LRFN5: variants seen among roughly 807,000 people sequenced by gnomAD.
The protein encoded by LRFN5 is leucine-rich repeat and fibronectin type-III domain-containing protein 5.
In LRFN5, 24 loss-of-function variants were observed where a neutral mutation model predicts 45.6. The ratio of observed to expected loss-of-function variants is 0.53; its 90% CI spans 0.38 to 0.74. The LOEUF (loss-of-function observed/expected upper bound fraction) is 0.74. Ranked by LOEUF, LRFN5 falls within the 30% of genes least tolerant of loss-of-function variation. The probability of loss-of-function intolerance (pLI) is 0.00; values close to 1 mark genes in which losing one functional copy is unlikely to be tolerated. For synonymous variants in LRFN5, 340 were observed against 313.8 expected, an observed-to-expected ratio of 1.08 and a Z score of -0.88; for missense variants, 776 against 861.5, an observed-to-expected ratio of 0.90 and a Z score of 1.24.
At chr14:41,765,341 CA>C (rs1293519567) in intron 1 of LRFN5, among the ~76,000 whole-genome samples, 7 of 73,970 alleles carry the variant, frequency 9.5e-5, no homozygotes, top group Non-Finnish European at 1.6e-4. Flanking sequence ...GACTCCGTCT[CA>C]AAAAAAAAGG....
intron 1 of LRFN5, among the ~76,000 whole-genome samples, chr14:41,614,363 AG>A (rs2138543831): frequency 6.6e-6 from 1 of 152,212 alleles, no homozygotes; most frequent in Admixed American, 6.5e-5. Context: ...TTAAGTGAAA[AG>A]TTTAAGGTTA....
intron 2 of LRFN5, among the ~76,000 whole-genome samples, chr14:41,772,229 T>C (rs547853156): frequency 6.6e-6 from 1 of 152,274 alleles, no homozygotes; most frequent in African/African-American, 2.4e-5. Flanking sequence ...TCCACCCTCA[T>C]GATCCAAACA....
At chr14:41,843,514 C>T (rs560928818) in intron 2 of LRFN5, among the ~76,000 whole-genome samples, 4 of 152,184 alleles carry the variant, frequency 2.6e-5, no homozygotes, top group African/African-American at 7.2e-5. Flanking sequence ...TTATAAAAAT[C>T]GTCTTCTGTG....
In LRFN5 at chr14:41,887,570, G is replaced by A. The variant is rs150248310; in HGVS notation, c.945G>A (p.Glu315=). 332 of 1,614,198 alleles carry A rather than the reference G, an allele frequency of 2.1e-4. 1 individual carries two copies. In the African/African-American group the frequency reaches 3.9e-3, roughly 19 times the overall value. ...TLRCKARGDP[E]PAIHWISPEG... Reference sequence around the variant, plus strand: ...GGTGCAAAGCCAGGGGAGACCCTGAGCCTGCAATTCACTGGATTTCTCCTG... The same window carrying A: ...GGTGCAAAGCCAGGGGAGACCCTGAACCTGCAATTCACTGGATTTCTCCTG... The change falls in exon 3 of 6, where the codon GAG becomes GAA. Residue 315 remains glutamate (E), a synonymous_variant. Coordinates refer to ENST00000298119, the MANE Select transcript of LRFN5 (RefSeq NM_152447.5). The surrounding 1 kb of genome is among the most constrained non-coding windows in gnomAD (Gnocchi z 4.8).
intron 1 of LRFN5, among the ~76,000 whole-genome samples, chr14:41,723,291 G>T (rs1183759357): frequency 6.6e-6 from 1 of 152,154 alleles, no homozygotes; most frequent in Non-Finnish European, 1.5e-5. Context: ...AAGGCAAGCA[G>T]GTGCTTAGAA....
At chr14:41,712,723 T>C (rs184832902) in intron 1 of LRFN5, among the ~76,000 whole-genome samples, 8 of 152,288 alleles carry the variant, frequency 5.3e-5, no homozygotes, top group Admixed American at 4.6e-4. Flanking sequence ...GGCTATTTTA[T>C]GCTAATAACA....
At chr14:41,796,041 A>G (rs1006316466) in intron 2 of LRFN5, among the ~76,000 whole-genome samples, 2 of 152,068 alleles carry the variant, frequency 1.3e-5, no homozygotes, top group Non-Finnish European at 2.9e-5. Context: ...ATTCTTGTAG[A>G]TAAAATTAAT....
intron 2 of LRFN5, among the ~76,000 whole-genome samples, chr14:41,853,983 A>T (rs1889364896): frequency 6.6e-6 from 1 of 152,188 alleles, no homozygotes; most frequent in Admixed American, 6.5e-5. Flanking sequence ...CATGACAGCC[A>T]TATGCTGTGT....
intron 1 of LRFN5, among the ~76,000 whole-genome samples, chr14:41,664,658 T>C (rs367580985): frequency 3.9e-5 from 6 of 152,036 alleles, no homozygotes; most frequent in African/African-American, 1.4e-4. Context: ...TGAGAACCTA[T>C]CTCTGAGAAA....
At chr14:41,757,763 A>C (rs1342808420) in intron 1 of LRFN5, among the ~76,000 whole-genome samples, 1 of 151,978 alleles carries the variant, frequency 6.6e-6, no homozygotes, top group Non-Finnish European at 1.5e-5. Context: ...CACCCACTGT[A>C]CTGCACCCAC....
intron 1 of LRFN5, among the ~76,000 whole-genome samples, chr14:41,624,262 C>T (rs1031942415): frequency 6.6e-6 from 1 of 151,976 alleles, no homozygotes; most frequent in African/African-American, 2.4e-5. Flanking sequence ...TCATTGTGGA[C>T]TGAAATTTGA....
At chr14:41,786,539 A>G (rs1160708773) in intron 2 of LRFN5, among the ~76,000 whole-genome samples, 2 of 103,152 alleles carry the variant, frequency 1.9e-5, no homozygotes, top group East Asian at 7.8e-4. Context: ...TTTCCTCTTT[A>G]TGAGTTTTTT....
chr14:41,857,406 G>A (rs1889507867), intron 2 of LRFN5, among the ~76,000 whole-genome samples: 1 of 152,076 alleles, frequency 6.6e-6, no homozygotes, highest in South Asian at 2.1e-4. Flanking sequence ...AAATATTTAG[G>A]AAATAAATAG....
At chr14:41,710,339 G>T (rs747181739) in intron 1 of LRFN5, among the ~76,000 whole-genome samples, 9 of 152,040 alleles carry the variant, frequency 5.9e-5, no homozygotes, top group African/African-American at 2.2e-4. Context: ...CTTGCATCAT[G>T]GCTTATTAAA....
chr14:41,776,843 A>T (rs1886309833), intron 2 of LRFN5, among the ~76,000 whole-genome samples: 1 of 151,960 alleles, frequency 6.6e-6, no homozygotes, highest in Non-Finnish European at 1.5e-5. Context: ...TTAAAAGTTT[A>T]TTTTCACATT....
chr14:41,807,722 GA>G (rs1887571585), intron 2 of LRFN5, among the ~76,000 whole-genome samples: 1 of 152,054 alleles, frequency 6.6e-6, no homozygotes, highest in African/African-American at 2.4e-5. Context: ...GTGATGAAAA[GA>G]AAGTATAGGT....
rs73303314 is a variant in LRFN5, at chr14:41,856,163, C to T, written c.-20-30443C>T. On this transcript the variant is annotated intron_variant, in intron 2 of 5. Transcript: ENST00000298119. Reference sequence around the variant, plus strand: ...TCTCTTATCTAGCTTTTTCTTTCAGCAAATATAGCAAATGTACTGTCATTG... The same window carrying T: ...TCTCTTATCTAGCTTTTTCTTTCAGTAAATATAGCAAATGTACTGTCATTG... Among the ~76,000 whole-genome samples the T allele has an allele frequency of 1.5e-3, 231 of 152,212 alleles. 3 individuals are homozygous for T. The highest frequency in any genetic ancestry group is 4.7e-3 in the African/African-American group (196 of 41,528).
At position 41,886,793 on chromosome 14, in the gene LRFN5, G is replaced by C. The variant is rs1312840114; in HGVS notation, c.168G>C (p.Leu56=). 1.2e-6 allele frequency: 2 copies of C among 1,614,096 alleles called. No individual in the cohort carries two copies. Among genetic ancestry groups the C allele is most frequent in the South Asian group, 2.2e-5 (2 of 91,058 alleles). The change falls in exon 3 of 6, where the codon CTG becomes CTC. Residue 56 remains leucine, a synonymous_variant. Transcript: ENST00000298119. ...ACATTGACAGAAGAACTGTGGAACT[G>C]CGGTTGGCAGACAATTTTGTTACAA... ...PPNIDRRTVE[L]RLADNFVTNI...
chr14:41,858,185 ATAT>A (rs745889159), intron 2 of LRFN5, among the ~76,000 whole-genome samples: 55 of 152,254 alleles, frequency 3.6e-4, no homozygotes, highest in Non-Finnish European at 6.3e-4. Context: ...ACATTCAGAA[ATAT>A]TATCTTCACC....
Sources: allele counts gnomAD v4.1 joint callset (sites outside exome capture counted in the v4.1 genomes callset), GRCh38; gene constraint gnomAD v4.1.1; non-coding constraint Gnocchi (gnomAD v3.1); transcripts MANE v1.5; gene names NCBI Gene and HGNC (gene_info 2026-07-23, HGNC 2026-07-21).